FBXW10B: variants seen among roughly 807,000 people sequenced by gnomAD.
FBXW10B encodes F-box and WD repeat domain containing 10B.
chr17:15,569,886 A>G, the FBXW10B span, among the ~76,000 whole-genome samples: 1 of 152,142 alleles, frequency 6.6e-6, no homozygotes, highest in Non-Finnish European at 1.5e-5. Context: ...CTTTCAAAAA[A>G]TGTGATGTCA....
chr17:15,598,553 C>T, the FBXW10B span: 1 of 1,613,606 alleles, frequency 6.2e-7, no homozygotes, highest in Non-Finnish European at 8.5e-7. Flanking sequence ...CAATCTCTTC[C>T]TCCAGATACG....
chr17:15,603,149 G>T, the FBXW10B span, among the ~76,000 whole-genome samples: 1 of 151,380 alleles, frequency 6.6e-6, no homozygotes, highest in Non-Finnish European at 1.5e-5. Flanking sequence ...CTCCCAAAGT[G>T]CTGGGCTTAC....
At chr17:15,583,413 C>T in the FBXW10B span, among the ~76,000 whole-genome samples, 2 of 147,312 alleles carry the variant, frequency 1.4e-5, no homozygotes, top group African/African-American at 2.5e-5. Context: ...GCCCCGTGTT[C>T]CCTGCTGTGC....
chr17:15,587,427 G>A, the FBXW10B span, among the ~76,000 whole-genome samples: 1 of 151,504 alleles, frequency 6.6e-6, no homozygotes, highest in Non-Finnish European at 1.5e-5. Context: ...CATTCTGTTG[G>A]GTCACTCTTT....
chr17:15,616,010 G>A, the FBXW10B span, among the ~76,000 whole-genome samples: 3 of 151,930 alleles, frequency 2.0e-5, no homozygotes, highest in Admixed American at 6.6e-5. Flanking sequence ...TTTTCAGCAC[G>A]CCCCCATTGT....
the FBXW10B span, chr17:15,605,504 C>T: frequency 3.4e-5 from 43 of 1,259,482 alleles, no homozygotes; most frequent in African/African-American, 5.9e-4. Flanking sequence ...ATGACTTTTG[C>T]CTACAGCAGT....
the FBXW10B span, among the ~76,000 whole-genome samples, chr17:15,580,722 A>C: frequency 6.7e-6 from 1 of 148,562 alleles, no homozygotes; most frequent in Non-Finnish European, 1.5e-5. Context: ...CACGGTAGTT[A>C]CATGTGTTTG....
the FBXW10B span, among the ~76,000 whole-genome samples, chr17:15,599,173 CA>C: frequency 6.2e-3 from 429 of 69,194 alleles, 9 homozygotes; most frequent in African/African-American, 7.8e-3. Flanking sequence ...GACTCTGTCT[CA>C]AAAAAAAAAA....
At chr17:15,567,519 G>A in the FBXW10B span, among the ~76,000 whole-genome samples, 1 of 151,834 alleles carries the variant, frequency 6.6e-6, no homozygotes, top group Non-Finnish European at 1.5e-5. Flanking sequence ...TTATTACTTA[G>A]CCATTGCCCA....
chr17:15,610,494 T>C, the FBXW10B span, among the ~76,000 whole-genome samples: 2 of 152,212 alleles, frequency 1.3e-5, no homozygotes, highest in Non-Finnish European at 1.5e-5. Context: ...AATGTGCTCA[T>C]GATGGCCCAC....
the FBXW10B span, among the ~76,000 whole-genome samples, chr17:15,585,422 A>C: frequency 6.6e-6 from 1 of 152,232 alleles, no homozygotes; most frequent in Non-Finnish European, 1.5e-5. Flanking sequence ...CATTTAGTCT[A>C]TCTGTAAAGA....
chr17:15,584,507 A>G, the FBXW10B span, among the ~76,000 whole-genome samples: 4 of 152,222 alleles, frequency 2.6e-5, no homozygotes, highest in African/African-American at 4.8e-5. Context: ...TTGGATGTAT[A>G]TTACTTTTGT....
At chr17:15,586,718 A>G in the FBXW10B span, among the ~76,000 whole-genome samples, 1 of 151,550 alleles carries the variant, frequency 6.6e-6, no homozygotes. Flanking sequence ...CTCCATCAGG[A>G]TGCTTGGCTT....
At chr17:15,612,654 G>C in the FBXW10B span, 3 of 1,612,774 alleles carry the variant, frequency 1.9e-6, no homozygotes, top group African/African-American at 4.0e-5. Context: ...ATGGCAATTA[G>C]AATGAGACGC....
the FBXW10B span, among the ~76,000 whole-genome samples, chr17:15,581,439 T>C: frequency 3.3e-5 from 5 of 152,210 alleles, no homozygotes; most frequent in African/African-American, 1.2e-4. Flanking sequence ...GTACTTTTAA[T>C]GATCAAAACA....
the FBXW10B span, among the ~76,000 whole-genome samples, chr17:15,591,324 C>G: frequency 6.6e-6 from 1 of 152,334 alleles, no homozygotes; most frequent in African/African-American, 2.4e-5. Flanking sequence ...GCGTCTCGCT[C>G]TGTCGCCCAG....
the FBXW10B span, among the ~76,000 whole-genome samples, chr17:15,605,038 G>C: frequency 9.8e-5 from 14 of 143,506 alleles, no homozygotes; most frequent in Non-Finnish European, 2.0e-4. Flanking sequence ...TCATTCAAAT[G>C]TTAAGCAATA....
the FBXW10B span, among the ~76,000 whole-genome samples, chr17:15,616,390 G>A: frequency 2.6e-5 from 4 of 151,810 alleles, no homozygotes; most frequent in East Asian, 2.0e-4. Context: ...GGCTGGTCTC[G>A]AACTCCTGAC....
the FBXW10B span, among the ~76,000 whole-genome samples, chr17:15,599,453 T>G: frequency 7.6e-6 from 1 of 132,282 alleles, no homozygotes; most frequent in Non-Finnish European, 1.6e-5. Context: ...TGAGAAACCC[T>G]GCACCAGTGG....
Sources: allele counts gnomAD v4.1 joint callset (sites outside exome capture counted in the v4.1 genomes callset), GRCh38; gene constraint gnomAD v4.1.1; transcripts MANE v1.5; gene names NCBI Gene and HGNC (gene_info 2026-07-23, HGNC 2026-07-21).